The following TCHP variants were observed in gnomAD, a reference collection of about 807,000 sequenced individuals.
TCHP encodes trichoplein keratin filament binding.
TCHP carries 81 observed loss-of-function variants against 88.7 expected under a neutral mutation model. The ratio of observed to expected loss-of-function variants is 0.91; its 90% confidence interval spans 0.76 to 1.10. The LOEUF (loss-of-function observed/expected upper bound fraction) is 1.10. TCHP is among the 50% of genes least tolerant of loss of function. TCHP has a pLI of 0.00. For synonymous variants in TCHP, 232 were observed against 232.5 expected, an observed-to-expected ratio of 1.00 and a Z score of 0.02; for missense variants, 641 against 632.1, an observed-to-expected ratio of 1.01 and a Z score of -0.15.
chr12:109,916,453 C>A, intron 12 of TCHP, 138 bp from the exon 13 acceptor site: 3 of 912,400 alleles, frequency 3.3e-6, no homozygotes, highest in Non-Finnish European at 4.9e-6. Flanking sequence ...TCATTTATGG[C>A]TTAGGGTCAG....
intron 1 of TCHP, among the ~76,000 whole-genome samples, 176 bp from the exon 2 acceptor site, chr12:109,902,851 A>G (rs1023441915): frequency 2.0e-5 from 3 of 152,158 alleles, no homozygotes; most frequent in Non-Finnish European, 2.9e-5. Flanking sequence ...TTTTGATTGA[A>G]TTAGTTTGGA....
chr12:109,903,090 C>T lies in TCHP; in HGVS notation c.64C>T (p.Arg22Ter), dbSNP rs199775799. ...GCAGCGCCTGAATCAGCAGCTAGCA[C>T]GACAGCGAGAGCAGGAGGCCCGGCT... ...SQQRLNQQLA[R>*]QREQEARLRQ... Residue 22 changes from arginine (R) to a stop codon, truncating the protein, a stop_gained, in exon 2 of 13, where the codon CGA (arginine) becomes TGA (stop). Coordinates refer to ENST00000405876, the MANE Select transcript of TCHP (RefSeq NM_001143852.2). LOFTEE classifies it high-confidence loss of function. The surrounding 1 kb of genome is among the most constrained non-coding windows in gnomAD (Gnocchi z 4.6). The T allele has an allele frequency of 1.7e-4, 281 of 1,613,786 alleles. No homozygotes were observed. Among genetic ancestry groups the T allele is most frequent in the Admixed American group, 2.3e-4 (14 of 59,992 alleles).
chr12:109,915,213 A>G (rs746236167), intron 11 of TCHP, 190 bp from the exon 12 acceptor site: 5 of 717,592 alleles, frequency 7.0e-6, no homozygotes, highest in Admixed American at 2.6e-5. Context: ...CCAGCTTTCT[A>G]TGAGGTACAC....
the TCHP span, among the ~76,000 whole-genome samples, chr12:109,894,462 C>CAAAA: frequency 2.8e-5 from 3 of 107,806 alleles, no homozygotes; most frequent in Non-Finnish European, 4.0e-5. Context: ...GACTCCGTCT[C>CAAAA]AAAAAAAAAA....
rs1339284138 is a variant in TCHP, at chr12:109,908,610, G to A, written c.724G>A (p.Glu242Lys). 1 of 1,602,056 alleles carries A rather than the reference G, an allele frequency of 6.2e-7. No homozygotes were observed. The highest frequency in any genetic ancestry group is 1.1e-5 in the South Asian group (1 of 88,142). Residue 242 changes from glutamate to lysine, a missense_variant, in exon 7 of 13, where the codon GAG (glutamate) becomes AAG (lysine). Physicochemically the swap from Glu to Lys is moderately conservative, Grantham distance 56. Transcript: ENST00000405876. Reference sequence around the variant, plus strand: ...GGCGACCAAACTAAAGAAGGAGCAGGAGAATCTGTTGAAGCAGCGGTGGGA... The same window carrying A: ...GGCGACCAAACTAAAGAAGGAGCAGAAGAATCTGTTGAAGCAGCGGTGGGA... ...VEATKLKKEQ[E>K]NLLKQRWELE... is the part of the protein sequence containing the mutation.
rs772342616 is a variant in TCHP, at chr12:109,907,739, C to A, written c.699+40C>A. The stretch of plus-strand genomic sequence containing the variant: ...CTCTCAGCCGTGACCTCCTCCACAG[C>A]TGCTCGTTAGCATGAGATGGGCACT... On this transcript the variant is annotated intron_variant, in intron 6 of 12. Transcript: ENST00000405876. 5.1e-6 allele frequency: 8 copies of A among 1,554,536 alleles called. No individual in the cohort carries two copies. The East Asian group carries it at 1.9e-4, about 38-fold the overall frequency.
chr12:109,911,781 T>TA (rs781312129), intron 9 of TCHP, among the ~76,000 whole-genome samples: 1 of 151,866 alleles, frequency 6.6e-6, no homozygotes, highest in Non-Finnish European at 1.5e-5. Flanking sequence ...TCTGAAATCT[T>TA]AGAGGTTTAG....
At chr12:109,907,420 G>A in intron 5 of TCHP, 106 bp from the exon 6 acceptor site, 1 of 1,184,334 alleles carries the variant, frequency 8.4e-7, no homozygotes, top group East Asian at 2.4e-5. Flanking sequence ...TTGGGATTCA[G>A]GCAGGAACTG....
At chr12:109,890,650 C>T in the TCHP span, among the ~76,000 whole-genome samples, 1 of 151,986 alleles carries the variant, frequency 6.6e-6, no homozygotes, top group Non-Finnish European at 1.5e-5. Flanking sequence ...GCTGGGACTA[C>T]AGGTGCATGC....
intron 8 of TCHP, among the ~76,000 whole-genome samples, chr12:109,909,545 T>C (rs1476097540): frequency 2.6e-5 from 4 of 152,190 alleles, no homozygotes; most frequent in South Asian, 4.1e-4. Context: ...ATCGGCCAGG[T>C]GCGGTGGCTC....
intron 1 of TCHP, 122 bp from the exon 2 acceptor site, chr12:109,902,905 T>TC: frequency 1.5e-6 from 1 of 666,170 alleles, no homozygotes; most frequent in Non-Finnish European, 2.4e-6. Context: ...GTTTTAAAGT[T>TC]CCACCAGTTG....
intron 11 of TCHP, 81 bp from the exon 12 acceptor site, chr12:109,915,322 C>A (rs561692993): frequency 6.2e-5 from 100 of 1,603,518 alleles, no homozygotes; most frequent in Non-Finnish European, 7.9e-5. Flanking sequence ...GGTAGGGCCG[C>A]AGGCTTACCT....
At chr12:109,894,797 T>C in the TCHP span, among the ~76,000 whole-genome samples, 4 of 149,082 alleles carry the variant, frequency 2.7e-5, no homozygotes, top group African/African-American at 7.5e-5. Flanking sequence ...AAGACTTTGT[T>C]GGAGTCCAGG....
At chr12:109,907,392 G>A (rs546810370) in intron 5 of TCHP, 134 bp from the exon 6 acceptor site, 13 of 866,144 alleles carry the variant, frequency 1.5e-5, no homozygotes, top group East Asian at 7.3e-5. Context: ...CTGACTTGGC[G>A]TCTGAGGGCG....
chr12:109,896,945 T>TAG (rs1565905772), upstream of TCHP, among the ~76,000 whole-genome samples: 20 of 151,886 alleles, frequency 1.3e-4, no homozygotes, highest in East Asian at 3.9e-4. Flanking sequence ...GATATAGATA[T>TAG]ATAGATAGAT....
At chr12:109,914,888 C>T (rs1490548583) in intron 11 of TCHP, 35 of 448,502 alleles carry the variant, frequency 7.8e-5, no homozygotes, top group Admixed American at 2.3e-4. Context: ...GTTGGCTTAC[C>T]GGGGGCCATA....
At position 109,914,584 on chromosome 12, in the gene TCHP, G is replaced by A; in HGVS notation, c.1277G>A (p.Ser426Asn). ...RELARREKEESEKLKSARKQE... is the reference protein window; with the variant it reads ...RELARREKEENEKLKSARKQE... ...TTGGCTCGTCGCGAGAAAGAGGAGA[G>A]TGAAAAGCTGAAATCGGCCAGGAAG... is the stretch of plus-strand genomic sequence containing the variant. The change falls in exon 11 of 13, where the codon AGT (serine) becomes AAT (asparagine). Residue 426 changes from serine (S) to asparagine (N), a missense_variant. Physicochemically the swap from Ser to Asn is conservative, Grantham distance 46. Transcript: ENST00000405876. 2 of 1,613,286 alleles carry A rather than the reference G, an allele frequency of 1.2e-6. No homozygotes were observed. Among genetic ancestry groups the A allele is most frequent in the Non-Finnish European group, 8.5e-7 (1 of 1,179,964 alleles).
chr12:109,902,763 G>A (rs568357882), intron 1 of TCHP, among the ~76,000 whole-genome samples: 2 of 152,030 alleles, frequency 1.3e-5, no homozygotes, highest in South Asian at 4.1e-4. Flanking sequence ...CGTGAGCCAC[G>A]GCAAATTTAA....
Position 109,907,556 on chromosome 12 carries a change from C to T in TCHP, c.556C>T (p.Arg186Trp), listed in dbSNP as rs765721239. The T allele has an allele frequency of 9.3e-6, 15 of 1,613,872 alleles. No homozygotes were observed. The highest frequency in any genetic ancestry group is 1.6e-4 in the Middle Eastern group (1 of 6,084). ...AGCCACCGCAGAGCAAGAGAACAAA[C>T]GGTATGAAAATGAATATGAAAGGGC... ...QEATAEQENK[R>W]YENEYERARR... The change falls in exon 6 of 13, where the codon CGG (arginine) becomes TGG (tryptophan). Residue 186 changes from arginine (R) to tryptophan (W), a missense_variant. By Grantham distance (101) the Arg-to-Trp change is moderately radical. Transcript: ENST00000405876.
Sources: allele counts gnomAD v4.1 joint callset (sites outside exome capture counted in the v4.1 genomes callset), GRCh38; gene constraint gnomAD v4.1.1; non-coding constraint Gnocchi (gnomAD v3.1); transcripts MANE v1.5; gene names NCBI Gene and HGNC (gene_info 2026-07-23, HGNC 2026-07-21).